SLC9A9: variants seen among roughly 807,000 people sequenced by gnomAD.
SLC9A9 encodes the protein sodium/hydrogen exchanger 9.
A neutral mutation model predicts 77.8 loss-of-function variants in SLC9A9; 62 were observed. The observed-to-expected ratio is 0.80, with a 90% CI of 0.65 to 0.98. SLC9A9 has a LOEUF of 0.98. SLC9A9 is among the 50% of genes least tolerant of loss of function. SLC9A9 has a pLI of 0.00. For synonymous variants in SLC9A9, 320 were observed against 283.5 expected, an observed-to-expected ratio of 1.13 and a Z score of -1.29; for missense variants, 775 against 774.9, an observed-to-expected ratio of 1.00 and a Z score of 0.00.
chr3:143,651,599 C>A (rs2038796600), intron 6 of SLC9A9, among the ~76,000 whole-genome samples: 1 of 152,096 alleles, frequency 6.6e-6, no homozygotes, highest in Admixed American at 6.5e-5. Context: ...AAGAAGAGAC[C>A]TCTGACATAG....
At chr3:143,492,374 T>C (rs2035763724) in intron 11 of SLC9A9, among the ~76,000 whole-genome samples, 1 of 152,046 alleles carries the variant, frequency 6.6e-6, no homozygotes, top group Non-Finnish European at 1.5e-5. Flanking sequence ...CTAACATGTC[T>C]GGAAATGTAA....
At chr3:143,844,351 T>G (rs558522041) in intron 1 of SLC9A9, among the ~76,000 whole-genome samples, 1 of 25,812 alleles carries the variant, frequency 3.9e-5, no homozygotes, top group East Asian at 3.2e-3. Flanking sequence ...TAAAATAGAC[T>G]CAACATCTAT....
chr3:143,592,434 T>C (rs536007265), intron 6 of SLC9A9, among the ~76,000 whole-genome samples: 9 of 147,166 alleles, frequency 6.1e-5, no homozygotes, highest in African/African-American at 2.3e-4. Context: ...GAAGAAAACC[T>C]GTGCCCTGGA....
chr3:143,581,954 C>T (rs2108666820), intron 6 of SLC9A9, among the ~76,000 whole-genome samples: 1 of 152,298 alleles, frequency 6.6e-6, no homozygotes, highest in African/African-American at 2.4e-5. Context: ...ATGCCCAGGA[C>T]ACAGCCTGTT....
At chr3:143,593,485 A>G (rs191430139) in intron 6 of SLC9A9, among the ~76,000 whole-genome samples, 41 of 152,346 alleles carry the variant, frequency 2.7e-4, no homozygotes, top group African/African-American at 9.1e-4. Flanking sequence ...TTAAACTTTT[A>G]TTCAAACCTA....
chr3:143,488,069 C>T (rs2035680968), intron 11 of SLC9A9, among the ~76,000 whole-genome samples: 2 of 151,620 alleles, frequency 1.3e-5, no homozygotes, highest in South Asian at 4.2e-4. Context: ...ACTACCAATT[C>T]TAGAGAAATA....
At chr3:143,726,312 A>T (rs1442736473) in intron 4 of SLC9A9, among the ~76,000 whole-genome samples, 1 of 151,758 alleles carries the variant, frequency 6.6e-6, no homozygotes, top group Non-Finnish European at 1.5e-5. Flanking sequence ...GGGAAGGGAA[A>T]CTAACTGCAA....
At chr3:143,529,320 G>T (rs1010631262) in intron 9 of SLC9A9, among the ~76,000 whole-genome samples, 3 of 152,134 alleles carry the variant, frequency 2.0e-5, no homozygotes, top group Non-Finnish European at 4.4e-5. Flanking sequence ...GTTCACTTTG[G>T]CTTTTGGAAG....
intron 12 of SLC9A9, among the ~76,000 whole-genome samples, chr3:143,389,068 A>G (rs1017342489): frequency 2.0e-5 from 3 of 152,222 alleles, no homozygotes; most frequent in African/African-American, 4.8e-5. Flanking sequence ...ACAGAGGTGG[A>G]CAGAGTTGCT....
chr3:143,744,229 T>C (rs1161694255), intron 4 of SLC9A9, among the ~76,000 whole-genome samples: 2 of 152,184 alleles, frequency 1.3e-5, no homozygotes, highest in African/African-American at 4.8e-5. Context: ...TATGTGCCAG[T>C]TGCATCTCTT....
intron 6 of SLC9A9, among the ~76,000 whole-genome samples, chr3:143,590,230 T>C (rs1484042387): frequency 6.6e-6 from 1 of 152,222 alleles, no homozygotes; most frequent in Non-Finnish European, 1.5e-5. Flanking sequence ...TGGAAAATGG[T>C]GATAACAATT....
At chr3:143,641,254 C>T (rs781430135) in intron 6 of SLC9A9, among the ~76,000 whole-genome samples, 12 of 152,078 alleles carry the variant, frequency 7.9e-5, no homozygotes, top group Non-Finnish European at 1.5e-4. Context: ...AGATACTTTA[C>T]CAGTTTCCTA....
chr3:143,371,510 G>A (rs1206436300), intron 13 of SLC9A9, among the ~76,000 whole-genome samples: 1 of 152,076 alleles, frequency 6.6e-6, no homozygotes, highest in East Asian at 1.9e-4. Context: ...AGACATGGGA[G>A]GAAGCAGGAA....
At position 143,266,746 on chromosome 3, in the gene SLC9A9, C is replaced by T; in HGVS notation, c.1894G>A (p.Glu632Lys). ...CCCAAAGTTTGCTCAAGCTTGAGTT[C>T]ATAGCCTCCCAGGCCGAGGTCTCCC... Reference protein sequence around the residue: ...YEGDLGLGGYELKLEQTLGQS... With the variant: ...YEGDLGLGGYKLKLEQTLGQS... Residue 632 changes from glutamate to lysine, a missense_variant, in exon 16 of 16, where the codon GAA becomes AAA. Coordinates refer to ENST00000316549, the MANE Select transcript of SLC9A9 (RefSeq NM_173653.4). 1 of 1,614,196 alleles carries T rather than the reference C, an allele frequency of 6.2e-7. No homozygotes were observed. The highest frequency in any genetic ancestry group is 8.5e-7 in the Non-Finnish European group (1 of 1,180,024).
intron 12 of SLC9A9, among the ~76,000 whole-genome samples, chr3:143,384,777 G>T (rs1041471554): frequency 6.6e-6 from 1 of 152,104 alleles, no homozygotes; most frequent in African/African-American, 2.4e-5. Flanking sequence ...TGAGGAAAGA[G>T]AACCTCCATG....
At chr3:143,517,868 G>A (rs1311032579) in intron 9 of SLC9A9, 4 of 1,576,998 alleles carry the variant, frequency 2.5e-6, no homozygotes, top group African/African-American at 2.7e-5. Context: ...GGCTTCAATA[G>A]CAGCCACTTT....
chr3:143,748,723 G>A (rs1279972380), intron 4 of SLC9A9, among the ~76,000 whole-genome samples: 1 of 135,424 alleles, frequency 7.4e-6, no homozygotes, highest in East Asian at 2.2e-4. Flanking sequence ...TTGAGACGGA[G>A]TCTCGCTCTG....
At chr3:143,689,442 A>C (rs1933386026) in intron 5 of SLC9A9, among the ~76,000 whole-genome samples, 1 of 152,172 alleles carries the variant, frequency 6.6e-6, no homozygotes, top group Non-Finnish European at 1.5e-5. Flanking sequence ...TCTGTCACTC[A>C]GGCTGGAGTG....
intron 6 of SLC9A9, among the ~76,000 whole-genome samples, chr3:143,620,235 T>A (rs2038177303): frequency 6.6e-6 from 1 of 152,346 alleles, no homozygotes; most frequent in South Asian, 2.1e-4. Context: ...CTCCTCCACT[T>A]TCTAGCTGAG....
Sources: gnomAD v4.1 joint callset for allele counts (sites outside exome capture counted in the v4.1 genomes callset) on GRCh38, gnomAD v4.1.1 for gene constraint, MANE v1.5 for transcripts, NCBI Gene and HGNC (gene_info 2026-07-23, HGNC 2026-07-21) for gene names.